QTMAN: variants seen among roughly 807,000 people sequenced by gnomAD.
The protein encoded by QTMAN is queuosine-tRNA mannosyltransferase.
the QTMAN span, among the ~76,000 whole-genome samples, chr2:144,267,032 G>C: frequency 6.6e-6 from 1 of 152,032 alleles, no homozygotes; most frequent in African/African-American, 2.4e-5. Context: ...GGTATTAAGA[G>C]AATGCTTCTT....
the QTMAN span, among the ~76,000 whole-genome samples, chr2:144,160,824 A>G: frequency 2.6e-5 from 4 of 152,164 alleles, no homozygotes; most frequent in Non-Finnish European, 5.9e-5. Flanking sequence ...ACTTTCTCAA[A>G]TGAATTCTTA....
chr2:144,024,913 T>A, the QTMAN span, among the ~76,000 whole-genome samples: 3 of 151,986 alleles, frequency 2.0e-5, no homozygotes, highest in African/African-American at 7.3e-5. Flanking sequence ...TTAGAAAGCA[T>A]CTGTGATAAC....
the QTMAN span, among the ~76,000 whole-genome samples, chr2:144,238,652 C>T: frequency 1.3e-5 from 2 of 152,124 alleles, no homozygotes; most frequent in Non-Finnish European, 2.9e-5. Flanking sequence ...TTTCTAGGAA[C>T]GTGCACTATC....
At chr2:144,323,266 T>C in the QTMAN span, among the ~76,000 whole-genome samples, 1 of 152,208 alleles carries the variant, frequency 6.6e-6, no homozygotes, top group African/African-American at 2.4e-5. Context: ...GCAGCAGAAA[T>C]GCTTTTTGCA....
the QTMAN span, among the ~76,000 whole-genome samples, chr2:144,120,801 G>A: frequency 2.6e-5 from 4 of 151,822 alleles, no homozygotes; most frequent in Admixed American, 1.3e-4. Flanking sequence ...TGCCTAAACC[G>A]AAAACAAAAC....
the QTMAN span, among the ~76,000 whole-genome samples, chr2:144,152,761 A>C: frequency 6.6e-6 from 1 of 152,238 alleles, no homozygotes; most frequent in Non-Finnish European, 1.5e-5. Flanking sequence ...TTGACTTGGC[A>C]ATTTAAGAAG....
the QTMAN span, among the ~76,000 whole-genome samples, chr2:144,110,686 C>A: frequency 7.0e-6 from 1 of 142,342 alleles, no homozygotes; most frequent in East Asian, 2.2e-4. Context: ...TCGACCCCCC[C>A]CCAAAAAAAA....
chr2:144,204,662 T>G, the QTMAN span, among the ~76,000 whole-genome samples: 1 of 152,160 alleles, frequency 6.6e-6, no homozygotes, highest in Non-Finnish European at 1.5e-5. Context: ...CAAAGGATTA[T>G]AAATCATGCT....
the QTMAN span, among the ~76,000 whole-genome samples, chr2:144,252,252 G>T: frequency 6.6e-6 from 1 of 152,078 alleles, no homozygotes; most frequent in Non-Finnish European, 1.5e-5. Flanking sequence ...ACACACACCT[G>T]TAGTCCCAGT....
At chr2:144,199,252 T>G in the QTMAN span, among the ~76,000 whole-genome samples, 1 of 152,192 alleles carries the variant, frequency 6.6e-6, no homozygotes, top group Non-Finnish European at 1.5e-5. Flanking sequence ...TTTCACCATG[T>G]TGGCCAGGCT....
the QTMAN span, among the ~76,000 whole-genome samples, chr2:144,116,639 TGAGA>T: frequency 2.7e-4 from 41 of 152,152 alleles, no homozygotes; most frequent in Non-Finnish European, 4.4e-4. Flanking sequence ...CCACTCAACC[TGAGA>T]GAGAGAGCAC....
chr2:144,288,017 G>A, the QTMAN span, among the ~76,000 whole-genome samples: 1 of 151,934 alleles, frequency 6.6e-6, no homozygotes, highest in East Asian at 1.9e-4. Flanking sequence ...ACCACACCCA[G>A]ATAATTTTTG....
chr2:143,965,117 G>A, the QTMAN span, among the ~76,000 whole-genome samples: 1 of 151,224 alleles, frequency 6.6e-6, no homozygotes, highest in Admixed American at 6.6e-5. Context: ...ATGAGAATTG[G>A]CCAAAACTCA....
the QTMAN span, among the ~76,000 whole-genome samples, chr2:144,267,824 C>T: frequency 1.3e-5 from 2 of 152,286 alleles, no homozygotes; most frequent in Admixed American, 1.3e-4. Flanking sequence ...GATTACAATT[C>T]ATTCACATGC....
the QTMAN span, among the ~76,000 whole-genome samples, chr2:144,299,657 T>C: frequency 1.3e-5 from 2 of 152,188 alleles, no homozygotes; most frequent in Admixed American, 6.5e-5. Flanking sequence ...TATGGAGAAA[T>C]TGAAATCCGT....
chr2:144,203,943 A>T, the QTMAN span, among the ~76,000 whole-genome samples: 8 of 152,132 alleles, frequency 5.3e-5, no homozygotes, highest in Middle Eastern at 3.2e-3. Flanking sequence ...GGCTAGCCAT[A>T]TGTAGAAAGC....
At chr2:144,249,797 C>T in the QTMAN span, among the ~76,000 whole-genome samples, 1 of 152,038 alleles carries the variant, frequency 6.6e-6, no homozygotes, top group Admixed American at 6.6e-5. Flanking sequence ...AGGGATAATA[C>T]CAACTGAACT....
the QTMAN span, among the ~76,000 whole-genome samples, chr2:144,249,181 C>T: frequency 2.0e-5 from 3 of 152,036 alleles, no homozygotes; most frequent in Non-Finnish European, 4.4e-5. Context: ...TAATAAATGA[C>T]GCAGCACAAA....
the QTMAN span, among the ~76,000 whole-genome samples, chr2:144,025,003 G>A: frequency 5.3e-5 from 8 of 152,194 alleles, no homozygotes; most frequent in South Asian, 1.7e-3. Flanking sequence ...CTCCATTATC[G>A]TAGGATGTGG....
Sources: gnomAD v4.1 joint callset for allele counts (sites outside exome capture counted in the v4.1 genomes callset) on GRCh38, gnomAD v4.1.1 for gene constraint, MANE v1.5 for transcripts, NCBI Gene and HGNC (gene_info 2026-07-23, HGNC 2026-07-21) for gene names.